PAQR8: variants seen among roughly 807,000 people sequenced by gnomAD.
The protein encoded by PAQR8 is membrane progestin receptor beta.
Under a neutral mutation model 25.2 loss-of-function variants are expected in PAQR8, and 17 were observed. The ratio of observed to expected loss-of-function variants is 0.67; its 90% CI spans 0.46 to 1.01. The LOEUF (loss-of-function observed/expected upper bound fraction) is 1.01, where lower values mean the gene tolerates loss of function less well. PAQR8 is among the 50% of genes least tolerant of loss of function. The probability of loss-of-function intolerance (pLI) is 0.00; values close to 1 mark genes in which losing one functional copy is unlikely to be tolerated. For synonymous variants in PAQR8, 204 were observed against 190.6 expected (o/e 1.07, Z -0.58); for missense variants, 392 against 448.4 (o/e 0.87, Z 1.14).
At chr6:52,384,178 T>C (rs1000322751) in intron 1 of PAQR8, among the ~76,000 whole-genome samples, 1 of 152,206 alleles carries the variant, frequency 6.6e-6, no homozygotes, top group Admixed American at 6.5e-5. Context: ...ATAACAACTA[T>C]GTATATCAGG....
At chr6:52,366,325 C>G (rs891708580) in intron 1 of PAQR8, among the ~76,000 whole-genome samples, 1 of 152,112 alleles carries the variant, frequency 6.6e-6, no homozygotes, top group African/African-American at 2.4e-5. Flanking sequence ...GATGGAGAGG[C>G]TTGAGACACA....
chr6:52,401,128 C>T (rs1428518252), intron 1 of PAQR8, among the ~76,000 whole-genome samples: 2 of 152,184 alleles, frequency 1.3e-5, no homozygotes, highest in African/African-American at 4.8e-5. Context: ...TCTCCCTGAA[C>T]TTCTTTACAT....
At chr6:52,401,259 A>ACAGTACTTGCTGTATGTGCTC (rs1183064968) in intron 1 of PAQR8, among the ~76,000 whole-genome samples, 3 of 152,344 alleles carry the variant, frequency 2.0e-5, no homozygotes, top group Non-Finnish European at 2.9e-5. Context: ...AGCACCTTGA[A>ACAGTACTTGCTGTATGTGCTC]CAGTACTTGC....
intron 1 of PAQR8, among the ~76,000 whole-genome samples, chr6:52,394,027 A>G (rs918529826): frequency 9.2e-5 from 14 of 152,182 alleles, no homozygotes; most frequent in Non-Finnish European, 2.1e-4. Context: ...CTTTGGGGAC[A>G]GTTAAAGAGA....
chr6:52,398,616 C>T (rs925042261), intron 1 of PAQR8, among the ~76,000 whole-genome samples: 35 of 147,396 alleles, frequency 2.4e-4, no homozygotes, highest in Non-Finnish European at 4.2e-4. Context: ...TGCAGTGGCA[C>T]GATCTCGGCT....
intron 1 of PAQR8, among the ~76,000 whole-genome samples, chr6:52,370,666 C>A (rs1338115491): frequency 6.6e-6 from 1 of 152,068 alleles, no homozygotes; most frequent in Non-Finnish European, 1.5e-5. Flanking sequence ...AGAAGAATAT[C>A]CAAAGAGGGG....
intron 1 of PAQR8, among the ~76,000 whole-genome samples, chr6:52,366,454 T>A (rs1763355068): frequency 6.6e-6 from 1 of 152,248 alleles, no homozygotes; most frequent in African/African-American, 2.4e-5. Context: ...TACTACATGA[T>A]ATTTTCCTTC....
At chr6:52,400,812 C>T (rs1304150463) in intron 1 of PAQR8, among the ~76,000 whole-genome samples, 1 of 152,186 alleles carries the variant, frequency 6.6e-6, no homozygotes, top group Non-Finnish European at 1.5e-5. Context: ...ACATGTCTGT[C>T]TCCCCAGTAA....
intron 1 of PAQR8, among the ~76,000 whole-genome samples, chr6:52,385,282 C>G (rs1763618703): frequency 1.3e-5 from 2 of 152,186 alleles, no homozygotes; most frequent in Non-Finnish European, 2.9e-5. Context: ...ATAAGACATC[C>G]CTTTTCTCTT....
rs1244306791 is a variant in PAQR8 at position 52,392,297 on chromosome 6, T to TCG, written c.-52-10861_-52-10860dup. Among the ~76,000 whole-genome samples, 3 of 149,680 alleles carry TCG rather than the reference T, an allele frequency of 2.0e-5. No homozygotes were observed. In the East Asian group the frequency reaches 5.9e-4, roughly 29 times the overall value. On this transcript the variant is annotated intron_variant, in intron 1 of 1. Transcript: ENST00000442253. ...AGGCGGAGGTTACAATGAGGCAAGA[T>TCG]CGCGCCACTGCATTCCAGCCTGGGT...
At chr6:52,364,118 G>A (rs1212247884) in intron 1 of PAQR8, among the ~76,000 whole-genome samples, 2 of 100,948 alleles carry the variant, frequency 2.0e-5, no homozygotes, top group East Asian at 4.6e-4. Context: ...GTGTGTGTAT[G>A]CACCAGATTT....
At chr6:52,388,114 G>A (rs892730973) in intron 1 of PAQR8, among the ~76,000 whole-genome samples, 4 of 152,222 alleles carry the variant, frequency 2.6e-5, no homozygotes, top group Non-Finnish European at 5.9e-5. Flanking sequence ...GGTAGCTCAT[G>A]CCTGTAATCC....
intron 1 of PAQR8, among the ~76,000 whole-genome samples, chr6:52,393,090 G>T (rs1763728146): frequency 6.6e-6 from 1 of 152,198 alleles, no homozygotes; most frequent in Non-Finnish European, 1.5e-5. Context: ...TAAGAACGCA[G>T]ACTTTAGAGT....
chr6:52,376,264 A>C lies in PAQR8; in HGVS notation c.-53+14015A>C, dbSNP rs151063742. Among the ~76,000 whole-genome samples the C allele has an allele frequency of 5.1e-3, 772 of 152,298 alleles. 6 individuals carry two copies. Among genetic ancestry groups the C allele is most frequent in the African/African-American group, 0.017 (703 of 41,552 alleles). Reference sequence around the variant, plus strand: ...TGGCTTAGGCCAGTCCGTAGTCACCAAAATCATTGTGAGCTGGTAGGCTAT... The same window carrying C: ...TGGCTTAGGCCAGTCCGTAGTCACCCAAATCATTGTGAGCTGGTAGGCTAT... On this transcript the variant is annotated intron_variant, in intron 1 of 1. Coordinates refer to ENST00000442253, the MANE Select transcript of PAQR8 (RefSeq NM_133367.5).
intron 1 of PAQR8, among the ~76,000 whole-genome samples, chr6:52,385,417 T>C (rs1199948563): frequency 6.6e-6 from 1 of 152,182 alleles, no homozygotes. Context: ...GAAAATAGAC[T>C]AATACAATGT....
At chr6:52,374,927 ATAAT>A (rs932989439) in intron 1 of PAQR8, among the ~76,000 whole-genome samples, 66 of 149,366 alleles carry the variant, frequency 4.4e-4, no homozygotes, top group African/African-American at 1.2e-3. Context: ...ATTAGAGATA[ATAAT>A]TAATATAATA....
intron 1 of PAQR8, among the ~76,000 whole-genome samples, chr6:52,363,837 C>A (rs1171447180): frequency 6.6e-6 from 1 of 151,860 alleles, no homozygotes; most frequent in Non-Finnish European, 1.5e-5. Flanking sequence ...GGATGAGTAT[C>A]CAAGTGTGTA....
At chr6:52,393,313 T>C (rs1049686235) in intron 1 of PAQR8, among the ~76,000 whole-genome samples, 1 of 151,680 alleles carries the variant, frequency 6.6e-6, no homozygotes, top group Non-Finnish European at 1.5e-5. Flanking sequence ...TTGATACTAT[T>C]ATTCTGACAC....
intron 1 of PAQR8, among the ~76,000 whole-genome samples, chr6:52,384,987 A>G (rs1240240411): frequency 6.6e-6 from 1 of 152,240 alleles, no homozygotes; most frequent in Admixed American, 6.5e-5. Flanking sequence ...CTGGTCTCCT[A>G]CCTATCACCA....
Sources: gnomAD v4.1 joint callset for allele counts (sites outside exome capture counted in the v4.1 genomes callset) on GRCh38, gnomAD v4.1.1 for gene constraint, MANE v1.5 for transcripts, NCBI Gene and HGNC (gene_info 2026-07-23, HGNC 2026-07-21) for gene names.